Variants in SDK1 observed in about 807,000 individuals in gnomAD.
SDK1 encodes the protein sidekick cell adhesion molecule 1.
A neutral mutation model predicts 245.5 loss-of-function variants in SDK1; 157 were observed. The observed-to-expected ratio is 0.64, with a 90% CI of 0.56 to 0.73. SDK1 has a LOEUF of 0.73. Among genes scored for constraint, SDK1 ranks in the 30% least tolerant of loss-of-function variants. SDK1 has a pLI of 0.00. For missense variants in SDK1, 3,583 were observed against 3,002.3 expected (o/e 1.19, Z -4.52); for synonymous variants, 1,647 against 1,278.5 (o/e 1.29, Z -6.15).
chr7:3,926,201 C>G (rs1198656929), intron 5 of SDK1, among the ~76,000 whole-genome samples: 3 of 152,138 alleles, frequency 2.0e-5, no homozygotes, highest in Non-Finnish European at 4.4e-5. Flanking sequence ...TGCTGAGCCT[C>G]TAGATGGTAC....
intron 35 of SDK1, among the ~76,000 whole-genome samples, chr7:4,203,322 C>T (rs1350221844): frequency 2.6e-5 from 4 of 152,164 alleles, no homozygotes; most frequent in African/African-American, 7.2e-5. Flanking sequence ...GCCGCAGAGG[C>T]CCCCTGGCGA....
At chr7:4,147,627 T>C (rs373064086) in intron 29 of SDK1, among the ~76,000 whole-genome samples, 1 of 152,076 alleles carries the variant, frequency 6.6e-6, no homozygotes, top group Admixed American at 6.6e-5. Flanking sequence ...ATCATTATTA[T>C]TGTTATTAGC....
intron 2 of SDK1, among the ~76,000 whole-genome samples, chr7:3,626,796 C>G (rs1022042338): frequency 2.6e-5 from 4 of 152,076 alleles, no homozygotes; most frequent in Non-Finnish European, 5.9e-5. Flanking sequence ...TTCTCTGGGT[C>G]CCTTTTTCTT....
chr7:3,480,164 C>G (rs1283496386), intron 1 of SDK1, among the ~76,000 whole-genome samples: 1 of 152,180 alleles, frequency 6.6e-6, no homozygotes, highest in Non-Finnish European at 1.5e-5. Flanking sequence ...CCAGTATAAT[C>G]ACAAGTCCTT....
chr7:3,760,208 A>C (rs187050563), intron 4 of SDK1, among the ~76,000 whole-genome samples: 95 of 152,300 alleles, frequency 6.2e-4, no homozygotes, highest in South Asian at 1.9e-3. Flanking sequence ...GGGTGGCTGC[A>C]TATACAGTGA....
intron 32 of SDK1, among the ~76,000 whole-genome samples, chr7:4,172,853 C>T (rs1781936731): frequency 6.6e-6 from 1 of 152,162 alleles, no homozygotes; most frequent in South Asian, 2.1e-4. Flanking sequence ...GTCCTGTGTC[C>T]AAACTTCCCT....
At chr7:4,019,615 A>G (rs916397980) in intron 17 of SDK1, among the ~76,000 whole-genome samples, 2 of 152,186 alleles carry the variant, frequency 1.3e-5, no homozygotes, top group Non-Finnish European at 2.9e-5. Flanking sequence ...CTTAAAAAAA[A>G]AAAAATGCTC....
chr7:3,712,031 C>T (rs6958681), intron 4 of SDK1, among the ~76,000 whole-genome samples: 1 of 152,116 alleles, frequency 6.6e-6, no homozygotes. Flanking sequence ...GCATGTGAAA[C>T]GGTTAATCCA....
At chr7:3,942,200 C>A (rs958773692) in intron 5 of SDK1, among the ~76,000 whole-genome samples, 1 of 152,212 alleles carries the variant, frequency 6.6e-6, no homozygotes, top group Non-Finnish European at 1.5e-5. Flanking sequence ...GCCACTGCAC[C>A]CGGCCAAGAC....
intron 4 of SDK1, among the ~76,000 whole-genome samples, chr7:3,778,254 T>C (rs73672173): frequency 4.6e-5 from 7 of 152,332 alleles, no homozygotes; most frequent in African/African-American, 1.2e-4. Flanking sequence ...TCCTAACTTA[T>C]ATTAGTCCAT....
chr7:3,444,405 TATTTC>T (rs1780286156), intron 1 of SDK1, among the ~76,000 whole-genome samples: 1 of 152,230 alleles, frequency 6.6e-6, no homozygotes, highest in East Asian at 1.9e-4. Context: ...CTTATTTTTG[TATTTC>T]TGTGTTTAGG....
intron 1 of SDK1, among the ~76,000 whole-genome samples, chr7:3,484,718 A>G (rs544322692): frequency 7.9e-5 from 12 of 151,978 alleles, no homozygotes; most frequent in Non-Finnish European, 1.6e-4. Flanking sequence ...CCTCCACAAG[A>G]TCGGTTTTTT....
At chr7:3,467,652 A>G (rs1381183133) in intron 1 of SDK1, among the ~76,000 whole-genome samples, 1 of 152,098 alleles carries the variant, frequency 6.6e-6, no homozygotes, top group African/African-American at 2.4e-5. Context: ...TCTTAAGAAC[A>G]AAGTTTGTTT....
At chr7:3,879,619 C>T (rs1014947876) in intron 5 of SDK1, among the ~76,000 whole-genome samples, 4 of 152,224 alleles carry the variant, frequency 2.6e-5, no homozygotes, top group Non-Finnish European at 5.9e-5. Context: ...CCATTCGCTG[C>T]GTGTCCAGGA....
chr7:4,112,902 C>T (rs769284520), intron 23 of SDK1, among the ~76,000 whole-genome samples: 14 of 152,074 alleles, frequency 9.2e-5, no homozygotes, highest in East Asian at 1.9e-4. Context: ...TCCAGGCACC[C>T]GCCACCACGC....
At chr7:3,853,085 G>A (rs1329007457) in intron 5 of SDK1, among the ~76,000 whole-genome samples, 1 of 151,804 alleles carries the variant, frequency 6.6e-6, no homozygotes, top group African/African-American at 2.4e-5. Context: ...GGAAAAGTTA[G>A]TTCTCCACGT....
At chr7:4,147,676 G>C (rs902390000) in intron 29 of SDK1, among the ~76,000 whole-genome samples, 8 of 152,070 alleles carry the variant, frequency 5.3e-5, no homozygotes, top group Admixed American at 5.2e-4. Flanking sequence ...AGACACCCGA[G>C]GTGCTTCTGC....
At chr7:4,153,326 C>G (rs916793501) in intron 30 of SDK1, among the ~76,000 whole-genome samples, 1 of 151,890 alleles carries the variant, frequency 6.6e-6, no homozygotes, top group African/African-American at 2.4e-5. Flanking sequence ...TGGCTCATGC[C>G]TGTAATCCCA....
rs549167707 is a variant in SDK1 at position 3,935,213 on chromosome 7, C to T, written c.848-15710C>T. The stretch of plus-strand genomic sequence containing the variant: ...AGCACCTGCCACAAAGCCATATTAA[C>T]AGAGTGTAGCAGGTGCACCCCACAC... On this transcript the variant is annotated intron_variant, in intron 5 of 44. Transcript: ENST00000404826. Among the ~76,000 whole-genome samples the T allele has an allele frequency of 2.0e-5, 3 of 152,294 alleles. No homozygotes were observed. The East Asian group carries it at 5.8e-4, about 29-fold the overall frequency.
Sources: allele counts gnomAD v4.1 joint callset (sites outside exome capture counted in the v4.1 genomes callset), GRCh38; gene constraint gnomAD v4.1.1; transcripts MANE v1.5; gene names NCBI Gene and HGNC (gene_info 2026-07-23, HGNC 2026-07-21).